NEK11: variants seen among roughly 807,000 people sequenced by gnomAD.
NEK11 encodes the protein NIMA related kinase 11.
NEK11 carries 72 observed loss-of-function variants against 80.7 expected under a neutral mutation model. That is an observed-to-expected ratio of 0.89 (90% CI 0.74 to 1.08). The LOEUF (loss-of-function observed/expected upper bound fraction) is 1.08. Among genes scored for constraint, NEK11 ranks in the 50% least tolerant of loss-of-function variants. NEK11 has a pLI of 0.00. For synonymous variants in NEK11, 251 were observed against 260.7 expected (o/e 0.96, Z 0.36); for missense variants, 764 against 763.6 (o/e 1.00, Z -0.01).
chr3:131,267,444 A>T (rs530073930), intron 16 of NEK11, among the ~76,000 whole-genome samples: 2 of 152,372 alleles, frequency 1.3e-5, no homozygotes, highest in African/African-American at 4.8e-5. Context: ...TCCCTCGCTT[A>T]TGAAGCTTAG....
At chr3:131,325,878 TAC>T (rs1016223142) in intron 17 of NEK11, 24 of 152,222 alleles carry the variant, frequency 1.6e-4, no homozygotes, top group Non-Finnish European at 2.9e-4. Flanking sequence ...TATGAAAACA[TAC>T]AGTTAGCTAA....
intron 14 of NEK11, among the ~76,000 whole-genome samples, chr3:131,188,493 T>C (rs890018965): frequency 6.6e-6 from 1 of 152,134 alleles, no homozygotes; most frequent in African/African-American, 2.4e-5. Flanking sequence ...AATTTACCTG[T>C]TTTCTTCTTT....
intron 17 of NEK11, among the ~76,000 whole-genome samples, chr3:131,297,751 T>G (rs1160830374): frequency 6.6e-6 from 1 of 152,202 alleles, no homozygotes; most frequent in East Asian, 1.9e-4. Flanking sequence ...GCCTATGTCC[T>G]GAATGGTAAT....
chr3:131,252,781 G>A (rs1549601), intron 16 of NEK11, among the ~76,000 whole-genome samples: 2,784 of 152,150 alleles, frequency 0.018, 40 homozygotes, highest in East Asian at 0.084. Flanking sequence ...GATGCTCTGG[G>A]TCCAGACTGC....
intron 14 of NEK11, among the ~76,000 whole-genome samples, chr3:131,177,222 T>G (rs553542840): frequency 6.6e-6 from 1 of 152,320 alleles, no homozygotes; most frequent in East Asian, 1.9e-4. Flanking sequence ...AGGGAATCTT[T>G]CAGATCTGCC....
chr3:131,305,053 T>C (rs1454513516), intron 17 of NEK11, among the ~76,000 whole-genome samples: 1 of 151,386 alleles, frequency 6.6e-6, no homozygotes, highest in Admixed American at 6.6e-5. Context: ...ATTTCCAACA[T>C]CTGTGCATGC....
chr3:131,243,517 T>C, intron 16 of NEK11, 21 bp downstream of exon 16: 1 of 1,595,654 alleles, frequency 6.3e-7, no homozygotes, highest in Non-Finnish European at 8.6e-7. Context: ...TCCTTTAGGC[T>C]TCAAAATACA....
intron 17 of NEK11, among the ~76,000 whole-genome samples, chr3:131,340,309 G>A (rs2110346341): frequency 6.6e-6 from 1 of 152,200 alleles, no homozygotes; most frequent in East Asian, 1.9e-4. Flanking sequence ...CTGTAAGTAT[G>A]GGATTCAAAA....
chr3:131,284,898 G>C (rs1372134646), intron 17 of NEK11, among the ~76,000 whole-genome samples: 1 of 152,150 alleles, frequency 6.6e-6, no homozygotes, highest in Non-Finnish European at 1.5e-5. Flanking sequence ...ACTCGAACTG[G>C]CTTCCTGGCT....
chr3:131,028,001 C>G lies in NEK11; in HGVS notation c.-98C>G, dbSNP rs753960640. The G allele has an allele frequency of 6.6e-6, 1 of 152,156 alleles. No homozygotes were observed. Among genetic ancestry groups the G allele is most frequent in the African/African-American group, 2.4e-5 (1 of 41,414 alleles). 9.4% of individuals were successfully genotyped at this position (152,156 alleles called of 1,614,324 possible). The stretch of plus-strand genomic sequence containing the variant: ...GAAGGACCCTTTTCAGCTGGAAAGT[C>G]TGTAAGTCCATATATTTATTTGAAC... On this transcript the variant is annotated splice_region_variant and 5_prime_UTR_variant, in exon 2 of 18. Coordinates refer to ENST00000383366, the MANE Select transcript of NEK11 (RefSeq NM_024800.5).
chr3:131,151,238 A>C (rs1206378899), intron 7 of NEK11, among the ~76,000 whole-genome samples: 1 of 152,072 alleles, frequency 6.6e-6, no homozygotes, highest in Non-Finnish European at 1.5e-5. Context: ...TTTTCAATCT[A>C]TAAAAATGGG....
chr3:131,097,547 C>T (rs912869012), intron 4 of NEK11, among the ~76,000 whole-genome samples: 5 of 152,172 alleles, frequency 3.3e-5, no homozygotes, highest in African/African-American at 1.2e-4. Context: ...TGAGAAGTGT[C>T]TGTTCATATC....
intron 5 of NEK11, among the ~76,000 whole-genome samples, chr3:131,125,582 T>C (rs1210603944): frequency 2.6e-5 from 4 of 152,146 alleles, no homozygotes; most frequent in Admixed American, 2.6e-4. Context: ...CAGTTGCTGA[T>C]GTACTTAAAA....
intron 14 of NEK11, among the ~76,000 whole-genome samples, chr3:131,171,456 C>T (rs1217281779): frequency 6.6e-6 from 1 of 152,142 alleles, no homozygotes; most frequent in African/African-American, 2.4e-5. Flanking sequence ...TGGAATAAGA[C>T]TTTAATTAGT....
chr3:131,214,537 C>T (rs969246081), intron 14 of NEK11, among the ~76,000 whole-genome samples: 2 of 152,150 alleles, frequency 1.3e-5, no homozygotes, highest in Admixed American at 1.3e-4. Flanking sequence ...CGCTTTTACT[C>T]TCTAAAGCAG....
intron 14 of NEK11, among the ~76,000 whole-genome samples, chr3:131,178,340 T>A (rs2093155725): frequency 6.6e-6 from 1 of 152,222 alleles, no homozygotes; most frequent in Non-Finnish European, 1.5e-5. Context: ...TTACTGTAAC[T>A]TTTTTACTTT....
At chr3:131,174,923 C>T in intron 14 of NEK11, 1 of 1,434,426 alleles carries the variant, frequency 7.0e-7, no homozygotes. Context: ...ACATCCTGAC[C>T]AGCTGTCACC....
intron 16 of NEK11, among the ~76,000 whole-genome samples, chr3:131,246,537 T>C (rs1850128): frequency 0.13 from 19,726 of 152,212 alleles, 1,578 homozygotes; most frequent in Admixed American, 0.21. Flanking sequence ...TTTGGGCTGG[T>C]TCCATATTTT....
chr3:131,030,164 A>T (rs1019600962), intron 3 of NEK11, among the ~76,000 whole-genome samples: 3 of 152,062 alleles, frequency 2.0e-5, no homozygotes, highest in Non-Finnish European at 2.9e-5. Flanking sequence ...GCTTAAACCC[A>T]GGAGGTGGAG....
Sources: gnomAD v4.1 joint callset for allele counts (sites outside exome capture counted in the v4.1 genomes callset) on GRCh38, gnomAD v4.1.1 for gene constraint, MANE v1.5 for transcripts, NCBI Gene and HGNC (gene_info 2026-07-23, HGNC 2026-07-21) for gene names.